WDR27: variants seen among roughly 807,000 people sequenced by gnomAD.
The protein encoded by WDR27 is WD repeat-containing protein 27.
In WDR27, 100 loss-of-function variants were observed where a neutral mutation model predicts 114.4. That is an observed-to-expected ratio of 0.87 (90% confidence interval 0.74 to 1.03). The LOEUF is 1.03. Among genes scored for constraint, WDR27 ranks in the 50% least tolerant of loss-of-function variants. The pLI is 0.00. For synonymous variants in WDR27, 449 were observed against 423.1 expected (o/e 1.06, Z -0.75); for missense variants, 1,129 against 1,092.9 (o/e 1.03, Z -0.47).
At position 169,488,848 on chromosome 6, in the gene WDR27, G is replaced by A. The variant is rs140215887; in HGVS notation, c.2646-31214C>T. Among the ~76,000 whole-genome samples the A allele has an allele frequency of 2.5e-3, 382 of 151,870 alleles. 1 individual carries two copies. The highest frequency in any genetic ancestry group is 8.8e-3 in the African/African-American group (365 of 41,440). ...CCTCGGTGGGGATGGCAGCATAATC[G>A]TCTTTTGGAGTGTGAACTGATGCAC... On this transcript the variant is annotated intron_variant, in intron 25 of 25. Transcript: ENST00000448612.
the WDR27 span, among the ~76,000 whole-genome samples, chr6:169,447,922 C>T: frequency 6.6e-6 from 1 of 152,150 alleles, no homozygotes; most frequent in East Asian, 1.9e-4. Context: ...TTTATACTTA[C>T]TTCCCTCACC....
chr6:169,656,234 A>G (rs987934991), intron 13 of WDR27, among the ~76,000 whole-genome samples: 4 of 152,190 alleles, frequency 2.6e-5, no homozygotes, highest in African/African-American at 9.6e-5. Flanking sequence ...TCAAAAACCA[A>G]TTAGGGAGGA....
chr6:169,588,534 G>A (rs1015967603), intron 23 of WDR27, among the ~76,000 whole-genome samples: 18 of 152,138 alleles, frequency 1.2e-4, no homozygotes, highest in African/African-American at 2.4e-4. Context: ...AAGTGGACCC[G>A]TGCATTTCAA....
At chr6:169,646,759 A>AG (rs1820850873) in intron 16 of WDR27, among the ~76,000 whole-genome samples, 1 of 151,868 alleles carries the variant, frequency 6.6e-6, no homozygotes, top group Admixed American at 6.6e-5. Flanking sequence ...AAAAAAAAAA[A>AG]AAAAGAAAAG....
chr6:169,584,267 T>C (rs146884093), intron 23 of WDR27, among the ~76,000 whole-genome samples: 1 of 152,220 alleles, frequency 6.6e-6, no homozygotes, highest in African/African-American at 2.4e-5. Flanking sequence ...TGTGTGTACA[T>C]GTGTGTACAG....
At position 169,475,197 on chromosome 6, in the gene WDR27, TATC is replaced by T. The variant is rs1786976083; in HGVS notation, c.2646-17566_2646-17564del. On this transcript the variant is annotated intron_variant, in intron 25 of 25. Transcript: ENST00000448612. ...CCAAGCACAGGGTTTACAAAAATAT[TATC>T]CTATATTTTCTTCTACTTATTTATT... Among the ~76,000 whole-genome samples the T allele has an allele frequency of 2.0e-5, 3 of 152,366 alleles. No individual in the cohort carries two copies. In the South Asian group the frequency reaches 6.2e-4, roughly 32 times the overall value.
At chr6:169,581,982 T>C (rs1313230720) in intron 24 of WDR27, among the ~76,000 whole-genome samples, 2 of 152,154 alleles carry the variant, frequency 1.3e-5, no homozygotes, top group Non-Finnish European at 2.9e-5. Context: ...ATTTATTTTT[T>C]ATTTTTTTTG....
chr6:169,551,433 T>A (rs1314582711), intron 25 of WDR27, among the ~76,000 whole-genome samples: 1 of 152,068 alleles, frequency 6.6e-6, no homozygotes, highest in Non-Finnish European at 1.5e-5. Context: ...TTCCTCTAGT[T>A]TTTTCTCAAC....
chr6:169,436,746 GA>G, the WDR27 span, among the ~76,000 whole-genome samples: 1 of 151,880 alleles, frequency 6.6e-6, no homozygotes, highest in East Asian at 1.9e-4. Flanking sequence ...CTAAAATACA[GA>G]AACATTAATT....
chr6:169,659,362 A>G lies in WDR27; in HGVS notation c.1197+89T>C. ...CGTTTTTACACACAAAATCCCGTTT[A>G]CTCAGCCAGTCGTTACAGGATCACT... On this transcript the variant is annotated intron_variant, in intron 11 of 25. Coordinates refer to ENST00000448612, the MANE Select transcript of WDR27 (RefSeq NM_182552.5). The surrounding 1 kb of genome is among the most constrained non-coding windows in gnomAD (Gnocchi z 4.3). 1.9e-6 allele frequency: 3 copies of G among 1,581,606 alleles called. No individual in the cohort carries two copies. The highest frequency in any genetic ancestry group is 2.6e-6 in the Non-Finnish European group (3 of 1,157,268).
intron 22 of WDR27, among the ~76,000 whole-genome samples, chr6:169,613,351 TCTC>T (rs1811053087): frequency 6.6e-6 from 1 of 152,160 alleles, no homozygotes; most frequent in East Asian, 1.9e-4. Flanking sequence ...CTGGGGTTAC[TCTC>T]CTAAGCCACA....
intron 24 of WDR27, among the ~76,000 whole-genome samples, chr6:169,582,425 A>G (rs187228340): frequency 2.0e-5 from 3 of 152,254 alleles, no homozygotes; most frequent in Middle Eastern, 3.4e-3. Context: ...ACTTTTTTCC[A>G]TAAGAATTTT....
At chr6:169,460,056 A>G (rs948413039) in intron 25 of WDR27, among the ~76,000 whole-genome samples, 1 of 152,220 alleles carries the variant, frequency 6.6e-6, no homozygotes, top group Non-Finnish European at 1.5e-5. Flanking sequence ...ATGGGCAGTT[A>G]TAAAAGCTAG....
At chr6:169,626,912 T>G (rs1815002842) in intron 21 of WDR27, among the ~76,000 whole-genome samples, 1 of 152,238 alleles carries the variant, frequency 6.6e-6, no homozygotes, top group Non-Finnish European at 1.5e-5. Flanking sequence ...GCAGTGCCTG[T>G]GTCTCCGAGG....
the WDR27 span, among the ~76,000 whole-genome samples, chr6:169,437,115 G>A: frequency 6.6e-6 from 1 of 152,178 alleles, no homozygotes; most frequent in Non-Finnish European, 1.5e-5. Context: ...AAGGTAAAAT[G>A]AGTGATTGTT....
rs869143503 is a variant in WDR27, at chr6:169,458,006, A to AGGAGGAGGT, written c.2646-373_2646-372insACCTCCTCC. Among the ~76,000 whole-genome samples, 1,243 of 139,896 alleles carry AGGAGGAGGT rather than the reference A, an allele frequency of 8.9e-3. 25 individuals carry two copies. The highest frequency in any genetic ancestry group is 0.031 in the African/African-American group (1,182 of 38,722). 91.8% of individuals were successfully genotyped at this position (139,896 alleles called of 152,430 possible). On this transcript the variant is annotated intron_variant, in intron 25 of 25. Coordinates refer to ENST00000448612, the MANE Select transcript of WDR27 (RefSeq NM_182552.5). ...GAGGAGGAGGAGGAGGAGGAGGAGG[A>AGGAGGAGGT]GGTGGTGGTGGTGCCAGGAATCCAC... is the stretch of plus-strand genomic sequence containing the variant.
chr6:169,457,456 G>A lies in WDR27; in HGVS notation c.*136C>T. The A allele has an allele frequency of 1.4e-6, 1 of 689,962 alleles. No homozygotes were observed. The highest frequency in any genetic ancestry group is 2.4e-6 in the Non-Finnish European group (1 of 424,480). 42.7% of individuals were successfully genotyped at this position (689,962 alleles called of 1,614,324 possible). A position where few individuals can be genotyped will look rare whatever the true frequency, so the allele number is the denominator to read the frequency against. On this transcript the variant is annotated 3_prime_UTR_variant, in exon 26 of 26. Coordinates refer to ENST00000448612, the MANE Select transcript of WDR27 (RefSeq NM_182552.5). ...AGAGGGGAGGAGCTTGCAAACGGGG[G>A]AAATCTGAGGCAAGTCTCAAAATAT...
At chr6:169,533,034 G>A (rs760133372) in intron 25 of WDR27, among the ~76,000 whole-genome samples, 5 of 152,156 alleles carry the variant, frequency 3.3e-5, no homozygotes, top group Non-Finnish European at 5.9e-5. Context: ...ATCAAAGTCT[G>A]TAGGGGAAAC....
intron 15 of WDR27, 135 bp from the exon 16 acceptor site, chr6:169,648,005 CTA>C (rs1472793856): frequency 3.3e-6 from 2 of 599,146 alleles, no homozygotes; most frequent in Admixed American, 7.1e-5. Flanking sequence ...GAATATTTAT[CTA>C]TATGTCTATA....
Sources: gnomAD v4.1 joint callset for allele counts (sites outside exome capture counted in the v4.1 genomes callset) on GRCh38, gnomAD v4.1.1 for gene constraint, Gnocchi (gnomAD v3.1) non-coding constraint, MANE v1.5 for transcripts, NCBI Gene and HGNC (gene_info 2026-07-23, HGNC 2026-07-21) for gene names.